CNTNAP2: variants seen among roughly 807,000 people sequenced by gnomAD.
CNTNAP2 encodes the protein contactin associated protein 2.
In CNTNAP2, 98 loss-of-function variants were observed where a neutral mutation model predicts 155.2. The ratio of observed to expected loss-of-function variants is 0.63; its 90% CI spans 0.54 to 0.75. The LOEUF (loss-of-function observed/expected upper bound fraction) is 0.75. CNTNAP2 is among the 30% of genes least tolerant of loss of function. CNTNAP2 has a pLI of 0.00. For synonymous variants in CNTNAP2, 651 were observed against 631.2 expected (o/e 1.03, Z -0.47); for missense variants, 1,727 against 1,688.1 (o/e 1.02, Z -0.40).
intron 3 of CNTNAP2, among the ~76,000 whole-genome samples, chr7:147,010,479 C>G (rs762220250): frequency 6.6e-6 from 1 of 151,932 alleles, no homozygotes; most frequent in Non-Finnish European, 1.5e-5. Context: ...TCTAAAATAT[C>G]TATTTGTGCC....
intron 14 of CNTNAP2, 97 bp from the exon 15 acceptor site, chr7:147,977,765 C>G: frequency 6.5e-7 from 1 of 1,535,590 alleles, no homozygotes; most frequent in East Asian, 2.3e-5. Flanking sequence ...CAAACGATTA[C>G]TGAAATGTCA....
chr7:148,183,261 T>C (rs910140217), intron 18 of CNTNAP2, among the ~76,000 whole-genome samples: 1 of 152,208 alleles, frequency 6.6e-6, no homozygotes, highest in African/African-American at 2.4e-5. Flanking sequence ...CTGGGAGGGC[T>C]GCCTGATTCA....
intron 10 of CNTNAP2, among the ~76,000 whole-genome samples, chr7:147,400,042 A>G (rs1304633123): frequency 6.6e-6 from 1 of 152,162 alleles, no homozygotes; most frequent in Non-Finnish European, 1.5e-5. Context: ...GAACCCTTGC[A>G]TTATTGACTG....
At chr7:147,639,481 AAG>A (rs1243763124) in intron 13 of CNTNAP2, among the ~76,000 whole-genome samples, 175 bp downstream of exon 13, 1 of 151,844 alleles carries the variant, frequency 6.6e-6, no homozygotes. Context: ...GAAGCTAAGA[AAG>A]AATGATTTTG....
intron 14 of CNTNAP2, among the ~76,000 whole-genome samples, chr7:147,926,578 T>G (rs1035639302): frequency 5.3e-5 from 8 of 152,324 alleles, no homozygotes; most frequent in African/African-American, 1.9e-4. Context: ...TACATGTAAT[T>G]CCATCCTCTC....
intron 10 of CNTNAP2, among the ~76,000 whole-genome samples, chr7:147,465,368 C>G (rs1411841170): frequency 1.3e-5 from 2 of 152,038 alleles, no homozygotes; most frequent in Admixed American, 6.5e-5. Context: ...ATCTACAGCT[C>G]TTATAAATTG....
At position 148,243,622 on chromosome 7, in the gene CNTNAP2, G is replaced by T. The variant is rs531241896; in HGVS notation, c.3381+13843G>T. Among the ~76,000 whole-genome samples the T allele has an allele frequency of 2.4e-4, 37 of 152,128 alleles. 1 individual carries two copies. The Middle Eastern group carries it at 0.01, about 42-fold the overall frequency. ...TCTTTTTAAACCCGTCAGATCTCGT[G>T]AGACTTATTCACTATCACAAGAACA... is the stretch of plus-strand genomic sequence containing the variant. On this transcript the variant is annotated intron_variant, in intron 20 of 23. Coordinates refer to ENST00000361727, the MANE Select transcript of CNTNAP2 (RefSeq NM_014141.6).
At chr7:146,397,026 A>T (rs1795638237) in intron 1 of CNTNAP2, among the ~76,000 whole-genome samples, 2 of 152,144 alleles carry the variant, frequency 1.3e-5, no homozygotes, top group Non-Finnish European at 2.9e-5. Context: ...TTTATAATGG[A>T]CTTCCAATAA....
intron 21 of CNTNAP2, among the ~76,000 whole-genome samples, chr7:148,324,758 G>T (rs1797860433): frequency 7.3e-6 from 1 of 136,254 alleles, no homozygotes; most frequent in South Asian, 2.3e-4. Flanking sequence ...TCGTGCCACT[G>T]CACTCCAGCT....
intron 14 of CNTNAP2, among the ~76,000 whole-genome samples, chr7:147,964,648 AG>A (rs1322598207): frequency 6.6e-6 from 1 of 152,194 alleles, no homozygotes; most frequent in Non-Finnish European, 1.5e-5. Context: ...ATAGCCCAAT[AG>A]GTGTAGGCTC....
chr7:147,466,815 G>A (rs1234738800), intron 10 of CNTNAP2, among the ~76,000 whole-genome samples: 1 of 152,152 alleles, frequency 6.6e-6, no homozygotes, highest in East Asian at 1.9e-4. Context: ...CTACTGGGGA[G>A]GCTGAGGCAG....
intron 9 of CNTNAP2, among the ~76,000 whole-genome samples, chr7:147,388,201 A>G (rs1322752461): frequency 6.6e-6 from 1 of 152,184 alleles, no homozygotes; most frequent in East Asian, 1.9e-4. Context: ...TGAGGAGCAG[A>G]TGCCATTTCA....
chr7:147,053,331 T>C (rs1165912118), intron 4 of CNTNAP2, among the ~76,000 whole-genome samples: 1 of 152,112 alleles, frequency 6.6e-6, no homozygotes, highest in East Asian at 1.9e-4. Context: ...CAGCTATCAG[T>C]ATTTAATTGT....
Position 147,977,882 on chromosome 7 carries a change from T to C in CNTNAP2, c.2276T>C (p.Leu759Ser). 1 of 1,614,114 alleles carries C rather than the reference T, an allele frequency of 6.2e-7. No homozygotes were observed. Among genetic ancestry groups the C allele is most frequent in the Non-Finnish European group, 8.5e-7 (1 of 1,180,026 alleles). Residue 759 changes from leucine to serine, a missense_variant, in exon 15 of 24, where the codon TTA becomes TCA. Physicochemically the swap from Leu to Ser is moderately radical, Grantham distance 145. Transcript: ENST00000361727. ...TCCAGGAGGAAGGATGCTGGTTTCTTATCATACAAAGATCACCTGCCAGTG... is the reference window on the plus strand; with the variant it reads ...TCCAGGAGGAAGGATGCTGGTTTCTCATCATACAAAGATCACCTGCCAGTG... ...YKQWRKDAGF[L>S]SYKDHLPVSQ...
chr7:147,030,732 A>G (rs966574886), intron 3 of CNTNAP2, among the ~76,000 whole-genome samples: 1 of 152,110 alleles, frequency 6.6e-6, no homozygotes, highest in Non-Finnish European at 1.5e-5. Context: ...TAGAAGTTAT[A>G]TTAAGGCCAG....
rs769256063 is a variant in CNTNAP2 at position 147,043,962 on chromosome 7, C to T, written c.458C>T (p.Pro153Leu). Residue 153 changes from proline (P) to leucine (L), a missense_variant, in exon 4 of 24, where the codon CCG becomes CTG. Physicochemically the swap from Pro to Leu is moderately conservative, Grantham distance 98. Transcript: ENST00000361727. The part of the protein sequence containing the change: ...DGVVRHELQH[P>L]IIARYVRIVP... ...GTGGTCCGGCACGAATTACAGCATCCGATTATTGCCCGCTATGTGCGCATA... is the reference window on the plus strand; with the variant it reads ...GTGGTCCGGCACGAATTACAGCATCTGATTATTGCCCGCTATGTGCGCATA... The T allele has an allele frequency of 3.7e-6, 6 of 1,614,130 alleles. No homozygotes were observed. Among genetic ancestry groups the T allele is most frequent in the South Asian group, 2.2e-5 (2 of 91,086 alleles).
chr7:147,134,613 T>G, intron 8 of CNTNAP2, among the ~76,000 whole-genome samples: 1 of 151,930 alleles, frequency 6.6e-6, no homozygotes, highest in East Asian at 1.9e-4. Context: ...TTTAAAAAAG[T>G]TATATTTTAT....
intron 15 of CNTNAP2, among the ~76,000 whole-genome samples, chr7:148,025,170 A>G (rs1302447410): frequency 6.6e-6 from 1 of 152,214 alleles, no homozygotes; most frequent in Admixed American, 6.5e-5. Flanking sequence ...CAGAGGTACA[A>G]GATTTGTAAC....
At chr7:147,854,277 A>G (rs1274626811) in intron 13 of CNTNAP2, among the ~76,000 whole-genome samples, 3 of 152,180 alleles carry the variant, frequency 2.0e-5, no homozygotes, top group Non-Finnish European at 4.4e-5. Flanking sequence ...GACTTATTGG[A>G]AATGATTACT....
Sources: gnomAD v4.1 joint callset for allele counts (sites outside exome capture counted in the v4.1 genomes callset) on GRCh38, gnomAD v4.1.1 for gene constraint, MANE v1.5 for transcripts, NCBI Gene and HGNC (gene_info 2026-07-23, HGNC 2026-07-21) for gene names.